Variants in PPWD1 observed in about 807,000 individuals in gnomAD.
PPWD1 encodes peptidylprolyl isomerase domain and WD repeat containing 1, also known as peptidylprolyl isomerase domain and WD repeat-containing protein 1.
In PPWD1, 43 loss-of-function variants were observed where a neutral mutation model predicts 68.8. The observed-to-expected ratio is 0.62, with a 90% CI of 0.49 to 0.81. PPWD1 has a LOEUF of 0.81. PPWD1 is among the 30% of genes least tolerant of loss of function. The pLI is 0.00. For missense variants in PPWD1, 672 were observed against 804.8 expected (o/e 0.83, Z 2.00); for synonymous variants, 232 against 258.7 (o/e 0.90, Z 0.99).
chr5:65,571,692 C>T (rs1369221445), intron 4 of PPWD1, 147 bp from the exon 5 acceptor site: 17 of 1,329,278 alleles, frequency 1.3e-5, no homozygotes, highest in Non-Finnish European at 1.3e-5. Flanking sequence ...AGCTGTTCCT[C>T]CCCATTCTGT....
chr5:65,563,831 C>T (rs1358656098), intron 1 of PPWD1: 18 of 1,499,790 alleles, frequency 1.2e-5, no homozygotes, highest in East Asian at 4.9e-5. Context: ...ATTTCGAACT[C>T]TTATTTAGGT....
intron 1 of PPWD1, among the ~76,000 whole-genome samples, chr5:65,565,486 A>C (rs1449989145): frequency 2.0e-5 from 3 of 152,046 alleles, no homozygotes; most frequent in Non-Finnish European, 2.9e-5. Flanking sequence ...CTTTCCTCTT[A>C]ATCAGTTATT....
intron 5 of PPWD1, among the ~76,000 whole-genome samples, chr5:65,573,530 T>G (rs1384675664): frequency 5.8e-5 from 3 of 51,436 alleles, no homozygotes; most frequent in African/African-American, 8.9e-5. Context: ...TTTTTTTTTT[T>G]TTTTTTTTTT....
Position 65,563,408 on chromosome 5 carries a change from C to A in PPWD1, c.98C>A (p.Ala33Glu), listed in dbSNP as rs938577779. 13 of 1,614,058 alleles carry A rather than the reference C, an allele frequency of 8.1e-6. No individual in the cohort carries two copies. Among genetic ancestry groups the A allele is most frequent in the Non-Finnish European group, 1.1e-5 (13 of 1,180,038 alleles). The change falls in exon 1 of 11, where the codon GCA (alanine) becomes GAA (glutamate). Residue 33 changes from alanine (A) to glutamate (E), a missense_variant. Physicochemically the swap from Ala to Glu is moderately radical, Grantham distance 107. Transcript: ENST00000261308. The stretch of plus-strand genomic sequence containing the variant: ...ACAGAACTCAGCGAAAGAGAGCTGG[C>A]AGTAGCAGTGGCGGTGTCCCAGGAG... ...EKTELSEREL[A>E]VAVAVSQEND...
intron 8 of PPWD1, 136 bp from the exon 9 acceptor site, chr5:65,584,878 G>GAA (rs10682457): frequency 0.44 from 511,476 of 1,153,270 alleles, 61,649 homozygotes; most frequent in Non-Finnish European, 0.46. Context: ...TAGAGATTAT[G>GAA]AAAAAAAAAA....
chr5:65,584,031 T>G (rs62369041), intron 8 of PPWD1, among the ~76,000 whole-genome samples: 5,378 of 152,308 alleles, frequency 0.035, 140 homozygotes, highest in Non-Finnish European at 0.059. Flanking sequence ...TTTAAAAGAC[T>G]GTAAAATTAA....
chr5:65,573,001 A>G (rs898839206), intron 5 of PPWD1, among the ~76,000 whole-genome samples: 1 of 152,142 alleles, frequency 6.6e-6, no homozygotes, highest in African/African-American at 2.4e-5. Context: ...CTTTTCAGTT[A>G]ATTCCTTCTG....
intron 7 of PPWD1, among the ~76,000 whole-genome samples, chr5:65,580,575 G>GT (rs1045059184): frequency 6.6e-6 from 1 of 152,116 alleles, no homozygotes; most frequent in Non-Finnish European, 1.5e-5. Flanking sequence ...GTGCAGTGAC[G>GT]TGACTTCAGC....
At chr5:65,563,890 T>C in intron 1 of PPWD1, 3 of 1,424,248 alleles carry the variant, frequency 2.1e-6, no homozygotes, top group Non-Finnish European at 2.9e-6. Context: ...AGGAGTGGTG[T>C]TAATGTATTA....
chr5:65,563,892 A>G (rs763028672), intron 1 of PPWD1: 1 of 1,427,328 alleles, frequency 7.0e-7, no homozygotes. Flanking sequence ...GAGTGGTGTT[A>G]ATGTATTAAT....
At chr5:65,583,338 T>A in intron 8 of PPWD1, 119 bp downstream of exon 8, 1 of 1,179,034 alleles carries the variant, frequency 8.5e-7, no homozygotes, top group Non-Finnish European at 1.1e-6. Flanking sequence ...TGAAGAAACG[T>A]TTGATAAAAA....
Position 65,572,705 on chromosome 5 carries a change from C to T in PPWD1, c.969+419C>T, listed in dbSNP as rs115861927. Among the ~76,000 whole-genome samples, 1,071 of 152,188 alleles carry T rather than the reference C, an allele frequency of 7.0e-3. 8 individuals carry two copies. The highest frequency in any genetic ancestry group is 0.024 in the African/African-American group (1,013 of 41,504). ...CTTGTCCTGTCTTCATAAATGGTGCCAGTATCCATCTAGTTGCTCAAACCA... is the reference window on the plus strand; with the variant it reads ...CTTGTCCTGTCTTCATAAATGGTGCTAGTATCCATCTAGTTGCTCAAACCA... On this transcript the variant is annotated intron_variant, in intron 5 of 10. Coordinates refer to ENST00000261308, the MANE Select transcript of PPWD1 (RefSeq NM_015342.4).
At chr5:65,585,645 C>T (rs1753806534) in intron 9 of PPWD1, among the ~76,000 whole-genome samples, 1 of 152,050 alleles carries the variant, frequency 6.6e-6, no homozygotes, top group Non-Finnish European at 1.5e-5. Context: ...AAAGGCTTTC[C>T]AGGAAATCCA....
At chr5:65,581,259 T>A (rs774240588) in intron 7 of PPWD1, among the ~76,000 whole-genome samples, 1 of 152,212 alleles carries the variant, frequency 6.6e-6, no homozygotes, top group Admixed American at 6.5e-5. Context: ...TACCTTTAAT[T>A]TAACTTTGTT....
chr5:65,578,780 A>G (rs200702127), intron 6 of PPWD1, among the ~76,000 whole-genome samples: 10 of 118,378 alleles, frequency 8.4e-5, no homozygotes, highest in South Asian at 2.9e-4. Context: ...ATACATATAT[A>G]TGTGTATATA....
intron 8 of PPWD1, among the ~76,000 whole-genome samples, chr5:65,583,658 T>C (rs1345373690): frequency 6.6e-6 from 1 of 152,212 alleles, no homozygotes; most frequent in East Asian, 1.9e-4. Flanking sequence ...GTTTTAAAAG[T>C]GAACTACAAG....
chr5:65,564,220 C>G (rs1469832429), intron 1 of PPWD1, among the ~76,000 whole-genome samples: 2 of 151,530 alleles, frequency 1.3e-5, no homozygotes, highest in African/African-American at 4.8e-5. Context: ...AAATGTTTTC[C>G]TTAAGTATTT....
intron 7 of PPWD1, among the ~76,000 whole-genome samples, chr5:65,579,822 T>A (rs1413782749): frequency 6.6e-6 from 1 of 152,252 alleles, no homozygotes; most frequent in Non-Finnish European, 1.5e-5. Context: ...TGTTTTGAAA[T>A]TTTTCAACCT....
intron 8 of PPWD1, 145 bp from the exon 9 acceptor site, chr5:65,584,869 A>T: frequency 8.3e-7 from 1 of 1,204,190 alleles, no homozygotes; most frequent in Non-Finnish European, 1.1e-6. Context: ...TCCTGAGATT[A>T]GAGATTATGA....
Sources: gnomAD v4.1 joint callset for allele counts (sites outside exome capture counted in the v4.1 genomes callset) on GRCh38, gnomAD v4.1.1 for gene constraint, MANE v1.5 for transcripts, NCBI Gene and HGNC (gene_info 2026-07-23, HGNC 2026-07-21) for gene names.